Variants in CDYL2 observed in about 807,000 individuals in gnomAD.
The protein encoded by CDYL2 is chromodomain Y like 2.
In CDYL2, 23 loss-of-function variants were observed where a neutral mutation model predicts 49.4. That is an observed-to-expected ratio of 0.47 (90% CI 0.34 to 0.66). The LOEUF (loss-of-function observed/expected upper bound fraction) is 0.66. CDYL2 is among the 30% of genes least tolerant of loss of function. The probability of loss-of-function intolerance (pLI) is 0.01; values close to 1 mark genes in which losing one functional copy is unlikely to be tolerated. For missense variants in CDYL2, 678 were observed against 656.4 expected (o/e 1.03, Z -0.36); for synonymous variants, 360 against 268.8 (o/e 1.34, Z -3.32).
chr16:80,699,711 G>A (rs1904291085), intron 1 of CDYL2, among the ~76,000 whole-genome samples: 2 of 152,046 alleles, frequency 1.3e-5, no homozygotes, highest in Non-Finnish European at 1.5e-5. Flanking sequence ...TTGAAGGGAT[G>A]GATATGCTAA....
At chr16:80,640,148 A>C (rs756763685) in intron 2 of CDYL2, among the ~76,000 whole-genome samples, 24 of 152,288 alleles carry the variant, frequency 1.6e-4, no homozygotes, top group Middle Eastern at 6.8e-3. Flanking sequence ...TGGCTAAGGG[A>C]GTGCTGGTAT....
intron 2 of CDYL2, among the ~76,000 whole-genome samples, chr16:80,674,511 T>C (rs1449734560): frequency 6.6e-6 from 1 of 152,188 alleles, no homozygotes; most frequent in Non-Finnish European, 1.5e-5. Context: ...AATTCAGTGA[T>C]TTTTAGTGTG....
At chr16:80,670,408 G>A (rs1909452529) in intron 2 of CDYL2, among the ~76,000 whole-genome samples, 1 of 152,172 alleles carries the variant, frequency 6.6e-6, no homozygotes, top group Non-Finnish European at 1.5e-5. Flanking sequence ...GCCACCACAT[G>A]AAGGATGTGT....
intron 1 of CDYL2, among the ~76,000 whole-genome samples, chr16:80,767,231 T>C (rs1302708756): frequency 6.6e-6 from 1 of 152,166 alleles, no homozygotes; most frequent in Non-Finnish European, 1.5e-5. Flanking sequence ...ATTCTCCAAT[T>C]ACCAAACCAC....
At chr16:80,723,534 A>T (rs1385655863) in intron 1 of CDYL2, among the ~76,000 whole-genome samples, 1 of 151,312 alleles carries the variant, frequency 6.6e-6, no homozygotes, top group East Asian at 1.9e-4. Flanking sequence ...GGTGAGACTG[A>T]CCCCATGCCC....
At chr16:80,802,302 G>C (rs1312964546) in intron 1 of CDYL2, among the ~76,000 whole-genome samples, 1 of 152,168 alleles carries the variant, frequency 6.6e-6, no homozygotes, top group Non-Finnish European at 1.5e-5. Flanking sequence ...ACAGCTCTAA[G>C]CTGACTCAAC....
intron 1 of CDYL2, among the ~76,000 whole-genome samples, chr16:80,685,344 A>G (rs939175410): frequency 3.9e-5 from 6 of 152,216 alleles, no homozygotes; most frequent in African/African-American, 1.4e-4. Context: ...CCTAAGGCAC[A>G]TGCAGCCATT....
intron 6 of CDYL2, among the ~76,000 whole-genome samples, chr16:80,605,613 C>A (rs1423762898): frequency 6.6e-6 from 1 of 150,550 alleles, no homozygotes; most frequent in Non-Finnish European, 1.5e-5. Flanking sequence ...TATTAATGAA[C>A]AATAATCATA....
chr16:80,704,086 T>A (rs904183438), intron 1 of CDYL2, among the ~76,000 whole-genome samples: 1 of 152,202 alleles, frequency 6.6e-6, no homozygotes, highest in African/African-American at 2.4e-5. Context: ...AATGTCTGTT[T>A]GTCCTAGGAG....
intron 1 of CDYL2, among the ~76,000 whole-genome samples, chr16:80,777,437 T>C (rs1410468092): frequency 6.7e-6 from 1 of 150,190 alleles, no homozygotes; most frequent in African/African-American, 2.5e-5. Flanking sequence ...AAATTGATTT[T>C]ACAGAAAAAA....
intron 1 of CDYL2, among the ~76,000 whole-genome samples, chr16:80,720,513 G>A (rs554789720): frequency 2.6e-5 from 4 of 152,316 alleles, no homozygotes; most frequent in African/African-American, 9.6e-5. Context: ...GGGTATGCTC[G>A]TCTACAGAGC....
intron 1 of CDYL2, among the ~76,000 whole-genome samples, chr16:80,727,250 C>T (rs1270095766): frequency 3.3e-5 from 5 of 152,188 alleles, no homozygotes; most frequent in South Asian, 4.1e-4. Context: ...GCACCGTGCC[C>T]GAGCCAAAGC....
chr16:80,715,485 T>A (rs1390046807), intron 1 of CDYL2, among the ~76,000 whole-genome samples: 1 of 152,164 alleles, frequency 6.6e-6, no homozygotes, highest in African/African-American at 2.4e-5. Context: ...GCAAGACATT[T>A]ACAGACACTC....
intron 1 of CDYL2, among the ~76,000 whole-genome samples, chr16:80,701,434 G>A (rs1325499216): frequency 1.3e-5 from 2 of 151,934 alleles, no homozygotes; most frequent in African/African-American, 4.8e-5. Context: ...TATTTACATA[G>A]TATCTATTCC....
At chr16:80,656,476 T>C (rs918054829) in intron 2 of CDYL2, among the ~76,000 whole-genome samples, 2 of 152,210 alleles carry the variant, frequency 1.3e-5, no homozygotes, top group Non-Finnish European at 2.9e-5. Context: ...GTGCCCCCAC[T>C]GTCCTGCGTG....
intron 1 of CDYL2, among the ~76,000 whole-genome samples, chr16:80,713,929 C>G (rs779856278): frequency 6.6e-6 from 1 of 152,112 alleles, no homozygotes; most frequent in Non-Finnish European, 1.5e-5. Context: ...CAGGATCAAA[C>G]AGCAGATGTC....
chr16:80,671,394 A>G (rs1026681984), intron 2 of CDYL2, among the ~76,000 whole-genome samples: 19 of 152,206 alleles, frequency 1.2e-4, no homozygotes, highest in African/African-American at 4.6e-4. Context: ...AGTGGCTGCC[A>G]CAAGTACAAC....
At chr16:80,644,635 C>T (rs374005652) in intron 2 of CDYL2, among the ~76,000 whole-genome samples, 2 of 152,132 alleles carry the variant, frequency 1.3e-5, no homozygotes, top group Admixed American at 6.5e-5. Flanking sequence ...GATGCAAAGG[C>T]GGAAACCCCT....
At chr16:80,792,396 C>T (rs138926891) in intron 1 of CDYL2, among the ~76,000 whole-genome samples, 4 of 152,206 alleles carry the variant, frequency 2.6e-5, no homozygotes, top group Admixed American at 6.5e-5. Context: ...CAAGAGGTGG[C>T]GACCCAAAAG....
Sources: allele counts gnomAD v4.1 joint callset (sites outside exome capture counted in the v4.1 genomes callset), GRCh38; gene constraint gnomAD v4.1.1; transcripts MANE v1.5; gene names NCBI Gene and HGNC (gene_info 2026-07-23, HGNC 2026-07-21).